Variants in KCNIP4 observed in about 807,000 individuals in gnomAD.
KCNIP4 encodes Kv channel-interacting protein 4.
In KCNIP4, 12 loss-of-function variants were observed where a neutral mutation model predicts 34.0. That is an observed-to-expected ratio of 0.35 (90% CI 0.23 to 0.57). The LOEUF (loss-of-function observed/expected upper bound fraction) is 0.57, where lower values mean the gene tolerates loss of function less well. Among genes scored for constraint, KCNIP4 ranks in the 20% least tolerant of loss-of-function variants. The pLI is 0.83. For missense variants in KCNIP4, 238 were observed against 311.7 expected (o/e 0.76, Z 1.78); for synonymous variants, 124 against 102.2 (o/e 1.21, Z -1.29).
intron 1 of KCNIP4, among the ~76,000 whole-genome samples, chr4:21,932,499 G>C (rs916435761): frequency 1.3e-5 from 2 of 152,090 alleles, no homozygotes; most frequent in African/African-American, 2.4e-5. Context: ...GCACATTGCT[G>C]ATAGTTCTTT....
intron 1 of KCNIP4, among the ~76,000 whole-genome samples, chr4:21,444,855 A>G (rs1208342912): frequency 6.6e-6 from 1 of 152,236 alleles, no homozygotes; most frequent in East Asian, 1.9e-4. Context: ...TGCAGATGAC[A>G]TGATTGTATA....
intron 1 of KCNIP4, among the ~76,000 whole-genome samples, chr4:21,467,785 A>G (rs1226368349): frequency 6.6e-6 from 1 of 152,136 alleles, no homozygotes; most frequent in Non-Finnish European, 1.5e-5. Flanking sequence ...CTCATTTCTG[A>G]GACTCTCTCC....
At chr4:21,477,044 G>C (rs59905060) in intron 1 of KCNIP4, among the ~76,000 whole-genome samples, 5 of 152,092 alleles carry the variant, frequency 3.3e-5, no homozygotes, top group Admixed American at 6.6e-5. Flanking sequence ...GCGGTTTCTC[G>C]CTTCAAGAAG....
intron 1 of KCNIP4, among the ~76,000 whole-genome samples, chr4:21,520,332 C>A (rs1260156803): frequency 6.6e-6 from 1 of 152,150 alleles, no homozygotes; most frequent in Non-Finnish European, 1.5e-5. Context: ...ACTCTGATCT[C>A]AGTTTTCCAG....
intron 1 of KCNIP4, among the ~76,000 whole-genome samples, chr4:21,801,524 G>A (rs1290486389): frequency 2.6e-5 from 4 of 152,134 alleles, no homozygotes; most frequent in African/African-American, 9.7e-5. Context: ...GCAGGCGGAG[G>A]CATTATTCCT....
intron 1 of KCNIP4, among the ~76,000 whole-genome samples, chr4:21,042,133 G>A (rs1454139167): frequency 6.6e-6 from 1 of 152,136 alleles, no homozygotes; most frequent in East Asian, 1.9e-4. Flanking sequence ...CGCCTTAAGG[G>A]TGTTGGGCAT....
At chr4:21,879,135 A>T (rs28712064) in intron 1 of KCNIP4, among the ~76,000 whole-genome samples, 1 of 152,036 alleles carries the variant, frequency 6.6e-6, no homozygotes, top group Non-Finnish European at 1.5e-5. Flanking sequence ...TATATTGCAA[A>T]ATGAAAATAT....
At chr4:21,301,857 C>T (rs1711747883) in intron 1 of KCNIP4, among the ~76,000 whole-genome samples, 1 of 152,178 alleles carries the variant, frequency 6.6e-6, no homozygotes, top group African/African-American at 2.4e-5. Context: ...GGGCTTCTCA[C>T]TCTAAGATTT....
At chr4:21,347,383 A>C (rs749824820) in intron 1 of KCNIP4, among the ~76,000 whole-genome samples, 51 of 152,134 alleles carry the variant, frequency 3.4e-4, no homozygotes, top group Non-Finnish European at 5.9e-4. Context: ...TACTAGAGAC[A>C]CTGGTGAGGT....
At chr4:21,003,380 T>G (rs189371611) in intron 1 of KCNIP4, among the ~76,000 whole-genome samples, 1 of 152,188 alleles carries the variant, frequency 6.6e-6, no homozygotes, top group African/African-American at 2.4e-5. Context: ...TTCCTTGAAG[T>G]ATGTAAGGCA....
chr4:21,258,278 T>C (rs1761214352), intron 1 of KCNIP4, among the ~76,000 whole-genome samples: 1 of 152,204 alleles, frequency 6.6e-6, no homozygotes, highest in Non-Finnish European at 1.5e-5. Context: ...AGCTTTACTC[T>C]TAACACTGAT....
At chr4:20,850,427 T>C (rs1720881862) in intron 3 of KCNIP4, 116 bp downstream of exon 3, 1 of 1,097,078 alleles carries the variant, frequency 9.1e-7, no homozygotes, top group Non-Finnish European at 1.3e-6. Flanking sequence ...AGGATCAGTA[T>C]GAAATATACA....
At chr4:21,858,368 T>C (rs1418512932) in intron 1 of KCNIP4, among the ~76,000 whole-genome samples, 1 of 152,234 alleles carries the variant, frequency 6.6e-6, no homozygotes, top group East Asian at 1.9e-4. Context: ...TAGGAAAAAG[T>C]TTAATTTCTT....
At chr4:21,085,502 T>C (rs531879364) in intron 1 of KCNIP4, among the ~76,000 whole-genome samples, 1 of 152,142 alleles carries the variant, frequency 6.6e-6, no homozygotes, top group East Asian at 1.9e-4. Context: ...TTCTCATGGC[T>C]TTTTGAAATC....
chr4:21,011,918 A>C (rs2149733255), intron 1 of KCNIP4, among the ~76,000 whole-genome samples: 1 of 152,338 alleles, frequency 6.6e-6, no homozygotes, highest in African/African-American at 2.4e-5. Context: ...AATCAAGACA[A>C]GTTGGATGAA....
At chr4:20,774,584 TAAAAC>T (rs1756209832) in intron 3 of KCNIP4, among the ~76,000 whole-genome samples, 2 of 152,302 alleles carry the variant, frequency 1.3e-5, no homozygotes, top group East Asian at 1.9e-4. Context: ...AAGTCACACA[TAAAAC>T]AAAGTTCTGT....
rs533678987 is a variant in KCNIP4 at position 21,793,712 on chromosome 4, C to T, written c.61+154859G>A. ...TCCATTTAATCATACAAAATCTGCC[C>T]ATATAAATTGTCTTCCAGGTCTGGG... On this transcript the variant is annotated intron_variant, in intron 1 of 8. Coordinates refer to ENST00000382152, the MANE Select transcript of KCNIP4 (RefSeq NM_025221.6). Among the ~76,000 whole-genome samples, 10 of 152,184 alleles carry T rather than the reference C, an allele frequency of 6.6e-5. No homozygotes were observed. The South Asian group carries it at 1.2e-3, about 19-fold the overall frequency.
intron 1 of KCNIP4, among the ~76,000 whole-genome samples, chr4:21,918,769 G>A (rs1034426053): frequency 1.3e-5 from 2 of 152,154 alleles, no homozygotes; most frequent in Admixed American, 6.5e-5. Flanking sequence ...CACTAACTAT[G>A]GTGATCAGGG....
At chr4:21,877,799 T>C (rs986334150) in intron 1 of KCNIP4, among the ~76,000 whole-genome samples, 5 of 152,276 alleles carry the variant, frequency 3.3e-5, no homozygotes, top group Admixed American at 1.3e-4. Context: ...CTTCTCCTTT[T>C]ACAAGAATAT....
Sources: gnomAD v4.1 joint callset for allele counts (sites outside exome capture counted in the v4.1 genomes callset) on GRCh38, gnomAD v4.1.1 for gene constraint, MANE v1.5 for transcripts, NCBI Gene and HGNC (gene_info 2026-07-23, HGNC 2026-07-21) for gene names.